The following PDE1C variants were observed in gnomAD, a reference collection of about 807,000 sequenced individuals.
PDE1C encodes the protein dual specificity calcium/calmodulin-dependent 3',5'-cyclic nucleotide phosphodiesterase 1C.
PDE1C carries 62 observed loss-of-function variants against 93.1 expected under a neutral mutation model. The observed-to-expected ratio is 0.67, with a 90% confidence interval of 0.54 to 0.82. The LOEUF (loss-of-function observed/expected upper bound fraction) is 0.82, where lower values mean the gene tolerates loss of function less well. Among genes scored for constraint, PDE1C ranks in the 40% least tolerant of loss-of-function variants. The pLI, the probability that PDE1C is intolerant of heterozygous loss-of-function variation, is 0.00. For missense variants in PDE1C, 742 were observed against 884.6 expected (o/e 0.84, Z 2.04); for synonymous variants, 325 against 310.1 (o/e 1.05, Z -0.50).
intron 9 of PDE1C, among the ~76,000 whole-genome samples, chr7:31,843,218 T>C (rs1309626826): frequency 6.6e-6 from 1 of 151,974 alleles, no homozygotes; most frequent in East Asian, 1.9e-4. Flanking sequence ...TAAGGCAAAG[T>C]GGCTGATGTT....
chr7:31,840,332 TGA>T (rs1791695721), intron 9 of PDE1C, among the ~76,000 whole-genome samples: 1 of 152,192 alleles, frequency 6.6e-6, no homozygotes, highest in Admixed American at 6.6e-5. Context: ...TACTTATTAT[TGA>T]GTTATAAAAG....
the PDE1C span, among the ~76,000 whole-genome samples, chr7:31,745,186 C>T: frequency 6.6e-6 from 1 of 152,046 alleles, no homozygotes; most frequent in East Asian, 1.9e-4. Context: ...TTGCCTGGCG[C>T]TCTGTGTCGA....
At chr7:31,713,606 C>T in the PDE1C span, among the ~76,000 whole-genome samples, 1 of 152,230 alleles carries the variant, frequency 6.6e-6, no homozygotes, top group Non-Finnish European at 1.5e-5. Context: ...TGTGCACCAC[C>T]CTAGCAGGGG....
chr7:32,137,871 G>C (rs980592916), intron 3 of PDE1C, among the ~76,000 whole-genome samples: 1 of 152,174 alleles, frequency 6.6e-6, no homozygotes, highest in African/African-American at 2.4e-5. Flanking sequence ...TAGTAAGTAA[G>C]AGGTTTGCAT....
intron 3 of PDE1C, among the ~76,000 whole-genome samples, chr7:32,132,225 C>G (rs1799957239): frequency 6.6e-6 from 1 of 152,054 alleles, no homozygotes; most frequent in African/African-American, 2.4e-5. Flanking sequence ...GCCCAGTGAG[C>G]AAGCAGCAAA....
chr7:32,373,951 C>T lies in PDE1C; in HGVS notation c.310+53871G>A, dbSNP rs1279036496. Among the ~76,000 whole-genome samples the T allele has an allele frequency of 4.0e-5, 6 of 151,652 alleles. No homozygotes were observed. In the East Asian group the frequency reaches 5.8e-4, roughly 15 times the overall value. On this transcript the variant is annotated intron_variant, in intron 1 of 1. Transcript: ENST00000672256. ...GCAGTGAGCCAAAGTGAGCCAAGAT[C>T]GCGCCACTGCACTCCAGCCTAGGCA...
intron 1 of PDE1C, among the ~76,000 whole-genome samples, chr7:32,285,059 GA>G (rs1318946031): frequency 1.3e-5 from 2 of 151,394 alleles, no homozygotes; most frequent in African/African-American, 4.8e-5. Flanking sequence ...AAGAAAAAAA[GA>G]AAAAAATGCA....
At chr7:31,724,409 A>G in the PDE1C span, among the ~76,000 whole-genome samples, 1 of 152,242 alleles carries the variant, frequency 6.6e-6, no homozygotes, top group Non-Finnish European at 1.5e-5. Flanking sequence ...TCTACTTACA[A>G]GAAAAGTCTC....
chr7:32,147,717 T>C (rs945264861), intron 3 of PDE1C, among the ~76,000 whole-genome samples: 3 of 150,824 alleles, frequency 2.0e-5, no homozygotes, highest in African/African-American at 4.9e-5. Flanking sequence ...CCTCCAAGCA[T>C]TGAGACAACC....
chr7:32,401,439 A>G lies in PDE1C; in HGVS notation c.310+26383T>C, dbSNP rs531882153. Among the ~76,000 whole-genome samples, 7 of 152,124 alleles carry G rather than the reference A, an allele frequency of 4.6e-5. No homozygotes were observed. The South Asian group carries it at 8.3e-4, about 18-fold the overall frequency. On this transcript the variant is annotated intron_variant, in intron 1 of 1. Transcript: ENST00000672256. ...GTAATCCCAACTACTCGGGAGGCTG[A>G]GGCAGGAGAATCACTTTAACCCAGG...
chr7:31,955,122 A>T (rs755263492), intron 2 of PDE1C, among the ~76,000 whole-genome samples: 1 of 152,218 alleles, frequency 6.6e-6, no homozygotes, highest in South Asian at 2.1e-4. Flanking sequence ...AGTACTACAG[A>T]TATTATTTTG....
intron 3 of PDE1C, among the ~76,000 whole-genome samples, chr7:32,085,779 A>G (rs1797031890): frequency 6.6e-6 from 1 of 151,720 alleles, no homozygotes; most frequent in East Asian, 1.9e-4. Context: ...TAGATGCAGA[A>G]AAGGCCTTTG....
At chr7:31,949,155 G>A (rs1419485699) in intron 2 of PDE1C, among the ~76,000 whole-genome samples, 6 of 152,000 alleles carry the variant, frequency 3.9e-5, no homozygotes, top group African/African-American at 1.2e-4. Flanking sequence ...TATCTAGTTG[G>A]GGCTAAAAAA....
the PDE1C span, among the ~76,000 whole-genome samples, chr7:31,627,776 T>C: frequency 6.6e-6 from 1 of 151,822 alleles, no homozygotes; most frequent in Non-Finnish European, 1.5e-5. Context: ...TAAGCTTGGG[T>C]GGTTTATGTC....
downstream of PDE1C, among the ~76,000 whole-genome samples, chr7:31,746,330 C>T (rs1794006322): frequency 6.6e-6 from 1 of 152,104 alleles, no homozygotes; most frequent in Admixed American, 6.6e-5. Context: ...GAATGAGTCA[C>T]TAGGAAAATG....
At chr7:31,679,112 C>G in the PDE1C span, among the ~76,000 whole-genome samples, 4 of 152,184 alleles carry the variant, frequency 2.6e-5, no homozygotes, top group African/African-American at 9.6e-5. Flanking sequence ...GGCAGATCCT[C>G]TAACCTCGTT....
chr7:32,190,286 T>C (rs1804148020), intron 2 of PDE1C, among the ~76,000 whole-genome samples: 1 of 152,202 alleles, frequency 6.6e-6, no homozygotes, highest in Non-Finnish European at 1.5e-5. Context: ...GACTTGCACA[T>C]TTCACAGCCT....
intron 2 of PDE1C, among the ~76,000 whole-genome samples, chr7:31,967,776 C>A (rs1297618911): frequency 1.3e-5 from 2 of 152,292 alleles, no homozygotes; most frequent in African/African-American, 2.4e-5. Context: ...AAGTGGGCTT[C>A]ATCCCTGGGA....
At chr7:31,725,828 A>AT in the PDE1C span, among the ~76,000 whole-genome samples, 1 of 152,136 alleles carries the variant, frequency 6.6e-6, no homozygotes, top group African/African-American at 2.4e-5. Context: ...AATGCCTTCT[A>AT]TTTTTTGGTT....
Sources: allele counts gnomAD v4.1 joint callset (sites outside exome capture counted in the v4.1 genomes callset), GRCh38; gene constraint gnomAD v4.1.1; transcripts MANE v1.5; gene names NCBI Gene and HGNC (gene_info 2026-07-23, HGNC 2026-07-21).